SH3BP1: variants seen among roughly 807,000 people sequenced by gnomAD.
The protein encoded by SH3BP1 is SH3 domain-binding protein 1.
In SH3BP1, 46 loss-of-function variants were observed where a neutral mutation model predicts 69.8. The observed-to-expected ratio is 0.66, with a 90% CI of 0.52 to 0.84. The LOEUF (loss-of-function observed/expected upper bound fraction) is 0.84, where lower values mean the gene tolerates loss of function less well. Ranked by LOEUF, SH3BP1 falls within the 40% of genes least tolerant of loss-of-function variation. The pLI is 0.00. For missense variants in SH3BP1, 868 were observed against 930.9 expected (o/e 0.93, Z 0.88); for synonymous variants, 403 against 378.0 (o/e 1.07, Z -0.77).
rs750580039 is a variant in SH3BP1, at chr22:37,647,345, C to T, written c.1115C>T (p.Ala372Val). The T allele has an allele frequency of 1.7e-5, 28 of 1,613,776 alleles. No homozygotes were observed. The highest frequency in any genetic ancestry group is 3.3e-5 in the Admixed American group (2 of 59,986). ...CTCTATGATGACTGGATGAGGGCAG[C>T]CAGGTGAGGATGTTGGAGGAGGGAG... The part of the protein sequence containing the change: ...FDLYDDWMRA[A>V]SLKEPGARLQ... Residue 372 changes from alanine to valine, a missense_variant, in exon 12 of 18, where the codon GCC (alanine) becomes GTC (valine). Physicochemically the swap from Ala to Val is moderately conservative, Grantham distance 64 (BLOSUM62 0). This residue lies in a region of SH3BP1 where 474 missense variants were observed against 462.3 expected (regional missense o/e 1.03). Transcript: ENST00000649765.
chr22:37,653,790 A>G lies in SH3BP1; in HGVS notation c.1610A>G (p.Glu537Gly), dbSNP rs1441844812. 1 of 1,611,720 alleles carries G rather than the reference A, an allele frequency of 6.2e-7. No homozygotes were observed. Among genetic ancestry groups the G allele is most frequent in the Non-Finnish European group, 8.5e-7 (1 of 1,178,388 alleles). ...SAATKERTESEVPPRPASPKV... is the reference protein window; with the variant it reads ...SAATKERTESGVPPRPASPKV... ...CCTTCCCTCTGCAGGACAGAGTCTG[A>G]GGTGCCTCCCAGACCAGCCTCCCCC... The change falls in exon 17 of 18, where the codon GAG (glutamate) becomes GGG (glycine). Residue 537 changes from glutamate to glycine, a missense_variant. Glu to Gly is a moderately conservative substitution (Grantham distance 98). Around this residue, in one of 3 missense-constraint regions of SH3BP1, gnomAD observed 474 missense variants for 462.3 expected, o/e 1.03. Coordinates refer to ENST00000649765, the MANE Select transcript of SH3BP1 (RefSeq NM_018957.6).
At position 37,656,060 on chromosome 22, in the gene SH3BP1, T is replaced by G; in HGVS notation, c.*376T>G. On this transcript the variant is annotated 3_prime_UTR_variant, in exon 18 of 18. Transcript: ENST00000649765. ...AAAACTGGAGCAGCTGCCCAAATGA[T>G]AGTTTTATTTTCTGTCCTTGAAATA... The G allele has an allele frequency of 1.5e-6, 2 of 1,354,108 alleles. No homozygotes were observed. Among genetic ancestry groups the G allele is most frequent in the Non-Finnish European group, 1.9e-6 (2 of 1,026,972 alleles). 83.9% of individuals were successfully genotyped at this position (1,354,108 alleles called of 1,614,324 possible). A position where few individuals can be genotyped will look rare whatever the true frequency, so the allele number is the denominator to read the frequency against.
chr22:37,655,380 C>T lies in SH3BP1; in HGVS notation c.1802C>T (p.Thr601Ile), dbSNP rs1277370091. ...PLPPGSGSPG[T>I]PQALPRRLVG... ...CCCCCTGGCTCTGGCAGCCCTGGGA[C>T]CCCCCAAGCCCTGCCCCGACGTCTG... is the stretch of plus-strand genomic sequence containing the variant. Residue 601 changes from threonine (T) to isoleucine (I), a missense_variant, in exon 18 of 18, where the codon ACC becomes ATC. This residue lies in a region of SH3BP1 where 474 missense variants were observed against 462.3 expected (regional missense o/e 1.03). Coordinates refer to ENST00000649765, the MANE Select transcript of SH3BP1 (RefSeq NM_018957.6). The T allele has an allele frequency of 2.2e-6, 3 of 1,357,642 alleles. No individual in the cohort carries two copies. Among genetic ancestry groups the T allele is most frequent in the Non-Finnish European group, 2.9e-6 (3 of 1,025,790 alleles). The allele number at this position is 1,357,642 out of a possible 1,614,324, so 84.1% of individuals were successfully genotyped here.
At position 37,646,872 on chromosome 22, in the gene SH3BP1, A is replaced by G. The variant is rs1427530525; in HGVS notation, c.979A>G (p.Met327Val). The G allele has an allele frequency of 2.6e-6, 4 of 1,565,944 alleles. 1 individual carries two copies. Among genetic ancestry groups the G allele is most frequent in the South Asian group, 2.3e-5 (2 of 85,664 alleles). Residue 327 changes from methionine (M) to valine (V), a missense_variant, in exon 11 of 18, where the codon ATG (methionine) becomes GTG (valine). Transcript: ENST00000649765. ...ASVLKRLKQT[M>V]ASDPHSLEEF... ...GGTGCTGAAGCGTCTCAAGCAGACA[A>G]TGGCCTCGGACCCCCACAGCCTGGA...
chr22:37,641,296 C>T, intron 2 of SH3BP1, 78 bp from the exon 3 acceptor site: 1 of 1,522,978 alleles, frequency 6.6e-7, no homozygotes, highest in South Asian at 1.2e-5. Flanking sequence ...CCATGGGGTC[C>T]CCAGGGGACA....
chr22:37,648,665 T>G, intron 14 of SH3BP1: 3 of 445,190 alleles, frequency 6.7e-6, no homozygotes, highest in East Asian at 7.3e-5. Flanking sequence ...AGGTGTTTAG[T>G]GGCATGGGGG....
intron 14 of SH3BP1, chr22:37,648,800 T>C (rs913969659): frequency 1.6e-5 from 3 of 190,908 alleles, no homozygotes; most frequent in Non-Finnish European, 2.2e-5. Flanking sequence ...GCCTCCCGGG[T>C]TCAAGCGATT....
At chr22:37,642,728 C>A in intron 4 of SH3BP1, 113 bp downstream of exon 4, 1 of 1,605,272 alleles carries the variant, frequency 6.2e-7, no homozygotes, top group Non-Finnish European at 8.5e-7. Context: ...AGGCTGGGGA[C>A]AGTTCCCAGG....
chr22:37,651,001 G>A (rs745639983), intron 16 of SH3BP1, among the ~76,000 whole-genome samples: 1 of 152,008 alleles, frequency 6.6e-6, no homozygotes, highest in South Asian at 2.1e-4. Flanking sequence ...CTCAAGAGAT[G>A]ATCATTTTGG....
intron 14 of SH3BP1, among the ~76,000 whole-genome samples, chr22:37,649,020 G>T (rs1483120864): frequency 6.6e-6 from 1 of 151,962 alleles, no homozygotes; most frequent in African/African-American, 2.4e-5. Context: ...TGCCGCGCCT[G>T]GCTCGATCAG....
Position 37,642,998 on chromosome 22 carries a change from C to G in SH3BP1, c.388C>G (p.Leu130Val), listed in dbSNP as rs772253403. Reference protein sequence around the residue: ...ERDVLQPLSRLSEEELPAILK... With the variant: ...ERDVLQPLSRVSEEELPAILK... ...GGACGTCCTGCAGCCACTCAGCAGG[C>G]TGAGTGAGGTGAGCCTGTGCCCTGC... The change falls in exon 5 of 18, where the codon CTG becomes GTG. Residue 130 changes from leucine to valine, a missense_variant. Physicochemically the swap from Leu to Val is conservative, Grantham distance 32. Transcript: ENST00000649765. 6.2e-7 allele frequency: 1 copy of G among 1,612,878 alleles called. No individual in the cohort carries two copies. Among genetic ancestry groups the G allele is most frequent in the Non-Finnish European group, 8.5e-7 (1 of 1,179,714 alleles).
chr22:37,642,177 A>G lies in SH3BP1; in HGVS notation c.208-362A>G, dbSNP rs533318810. The stretch of plus-strand genomic sequence containing the variant: ...ACTCAGCGGTGGCTAGGTCAGCCAT[A>G]TATACCCTGGGACAGGGGAAAGAGC... On this transcript the variant is annotated intron_variant, in intron 3 of 17. Coordinates refer to ENST00000649765, the MANE Select transcript of SH3BP1 (RefSeq NM_018957.6). 53 of 291,694 alleles carry G rather than the reference A, an allele frequency of 1.8e-4. 1 individual carries two copies. In the South Asian group the frequency reaches 2.1e-3, roughly 12 times the overall value. The allele number at this position is 291,694 out of a possible 1,614,324, so 18.1% of individuals were successfully genotyped here. A position where few individuals can be genotyped will look rare whatever the true frequency, so the allele number is the denominator to read the frequency against.
At chr22:37,653,456 G>A in intron 16 of SH3BP1, among the ~76,000 whole-genome samples, 1 of 151,992 alleles carries the variant, frequency 6.6e-6, no homozygotes, top group African/African-American at 2.4e-5. Context: ...ACCACATGGA[G>A]GCCCTGAGCT....
intron 8 of SH3BP1, 44 bp from the exon 9 acceptor site, chr22:37,644,826 C>T: frequency 6.2e-7 from 1 of 1,609,924 alleles, no homozygotes; most frequent in East Asian, 2.2e-5. Context: ...ATAGAAGGCT[C>T]AGCTTCCCCC....
chr22:37,647,578 C>T (rs1414291438), intron 13 of SH3BP1, 57 bp downstream of exon 13: 23 of 1,416,330 alleles, frequency 1.6e-5, no homozygotes, highest in South Asian at 7.4e-5. Flanking sequence ...GCTGAGGTCA[C>T]GGACCCTGGG....
At chr22:37,643,476 C>G in intron 6 of SH3BP1, 168 bp from the exon 7 acceptor site, 1 of 930,910 alleles carries the variant, frequency 1.1e-6, no homozygotes, top group Admixed American at 2.6e-5. Flanking sequence ...CACCAGGGGG[C>G]AACCCAGAGC....
At chr22:37,650,857 C>A in intron 16 of SH3BP1, 132 bp downstream of exon 16, 1 of 1,245,488 alleles carries the variant, frequency 8.0e-7, no homozygotes, top group Non-Finnish European at 1.1e-6. Context: ...AAGACCGGAT[C>A]TCCTAGTTTG....
rs1411684099 is a variant in SH3BP1, at chr22:37,641,082, C to T, written c.60-44C>T. 8 of 1,360,940 alleles carry T rather than the reference C, an allele frequency of 5.9e-6. No individual in the cohort carries two copies. In the East Asian group the frequency reaches 1.7e-4, roughly 30 times the overall value. 84.3% of individuals were successfully genotyped at this position (1,360,940 alleles called of 1,614,324 possible). On this transcript the variant is annotated intron_variant, in intron 1 of 17. Transcript: ENST00000649765. ...TAGGGGGCGTTCTAACCCAGGCAGG[C>T]TCAGCAGAAGCACTCTCCCCCCCCC...
chr22:37,645,135 CGG>C (rs1266415559), intron 9 of SH3BP1, 175 bp downstream of exon 9: 1 of 824,812 alleles, frequency 1.2e-6, no homozygotes, highest in Non-Finnish European at 1.9e-6. Flanking sequence ...TGGAGTGAAG[CGG>C]GCAGGACTAG....
Sources: allele counts gnomAD v4.1 joint callset (sites outside exome capture counted in the v4.1 genomes callset), GRCh38; gene constraint gnomAD v4.1.1; regional missense constraint gnomAD v4.1.1; transcripts MANE v1.5; gene names NCBI Gene and HGNC (gene_info 2026-07-23, HGNC 2026-07-21).